DSCAM: variants seen among roughly 807,000 people sequenced by gnomAD.
DSCAM encodes cell adhesion molecule DSCAM.
In DSCAM, 47 loss-of-function variants were observed where a neutral mutation model predicts 217.7. The observed-to-expected ratio is 0.22, with a 90% CI of 0.17 to 0.28. The LOEUF is 0.28. Ranked by LOEUF, DSCAM falls within the 10% of genes least tolerant of loss-of-function variation. The pLI, the probability that DSCAM is intolerant of heterozygous loss-of-function variation, is 1.00. For missense variants in DSCAM, 2,080 were observed against 2,618.3 expected (o/e 0.79, Z 4.49); for synonymous variants, 1,056 against 1,015.3 (o/e 1.04, Z -0.76).
At chr21:40,798,512 C>T (rs1215583861) in intron 1 of DSCAM, among the ~76,000 whole-genome samples, 1 of 151,800 alleles carries the variant, frequency 6.6e-6, no homozygotes, top group Non-Finnish European at 1.5e-5. Context: ...AAATAACACA[C>T]CAAAAAAGAA....
intron 3 of DSCAM, chr21:40,384,207 C>T (rs776126432): frequency 2.6e-5 from 4 of 152,498 alleles, no homozygotes; most frequent in Non-Finnish European, 5.9e-5. Context: ...CATTGTCAGA[C>T]TGTGAGACAA....
chr21:40,609,884 C>T (rs1190164963), intron 3 of DSCAM, among the ~76,000 whole-genome samples: 1 of 152,218 alleles, frequency 6.6e-6, no homozygotes, highest in East Asian at 1.9e-4. Context: ...ACGGCTGCCT[C>T]AAGCTCTGGT....
chr21:40,230,142 G>T (rs2091368769), intron 11 of DSCAM, among the ~76,000 whole-genome samples: 1 of 152,108 alleles, frequency 6.6e-6, no homozygotes, highest in African/African-American at 2.4e-5. Flanking sequence ...AGAAATAATG[G>T]TACAAAGTTT....
At chr21:40,225,469 C>A (rs911013925) in intron 11 of DSCAM, among the ~76,000 whole-genome samples, 2 of 152,138 alleles carry the variant, frequency 1.3e-5, no homozygotes, top group African/African-American at 4.8e-5. Context: ...CACCTTCAAC[C>A]TTTAAGCCTT....
chr21:40,015,879 TG>T (rs1186334650), intron 32 of DSCAM, among the ~76,000 whole-genome samples: 2 of 152,256 alleles, frequency 1.3e-5, no homozygotes, highest in Non-Finnish European at 2.9e-5. Context: ...GGACTGACGC[TG>T]GGTCTGAGTT....
chr21:40,177,444 C>G (rs1297628054), intron 15 of DSCAM, among the ~76,000 whole-genome samples: 1 of 152,174 alleles, frequency 6.6e-6, no homozygotes, highest in Admixed American at 6.5e-5. Context: ...AAACAATTTT[C>G]AAGAACTGAC....
At chr21:40,244,404 T>C (rs948772907) in intron 11 of DSCAM, among the ~76,000 whole-genome samples, 1 of 151,202 alleles carries the variant, frequency 6.6e-6, no homozygotes, top group African/African-American at 2.4e-5. Context: ...TGAGCCCAGA[T>C]TGTGCCACTG....
chr21:40,489,202 G>C (rs1160120408), intron 3 of DSCAM, among the ~76,000 whole-genome samples: 1 of 152,174 alleles, frequency 6.6e-6, no homozygotes, highest in African/African-American at 2.4e-5. Context: ...AGTGGACTCT[G>C]AGCAAAGCAG....
chr21:40,093,865 C>T lies in DSCAM; in HGVS notation c.3706G>A (p.Glu1236Lys), dbSNP rs1471305566. 5.6e-6 allele frequency: 9 copies of T among 1,613,274 alleles called. No individual in the cohort carries two copies. In the East Asian group the frequency reaches 6.7e-5, roughly 12 times the overall value. The change falls in exon 21 of 33, where the codon GAG becomes AAG. Residue 1236 changes from glutamate to lysine, a missense_variant. Transcript: ENST00000400454. Reference protein sequence around the residue: ...CSHPYPTVISEFEASPDSFSY... With the variant: ...CSHPYPTVISKFEASPDSFSY... Reference sequence around the variant, plus strand: ...AACGAGTCGGGAGAGGCCTCAAACTCGCTGATCACCTGTAAAAAGAGACAT... The same window carrying T: ...AACGAGTCGGGAGAGGCCTCAAACTTGCTGATCACCTGTAAAAAGAGACAT...
At chr21:40,706,843 G>A (rs17836017) in intron 2 of DSCAM, among the ~76,000 whole-genome samples, 5,581 of 152,286 alleles carry the variant, frequency 0.037, 128 homozygotes, top group East Asian at 0.11. Flanking sequence ...TTTGATTTGG[G>A]TAATATGACT....
chr21:40,492,126 T>C (rs2146014313), intron 3 of DSCAM, among the ~76,000 whole-genome samples: 1 of 151,368 alleles, frequency 6.6e-6, no homozygotes, highest in Admixed American at 6.6e-5. Flanking sequence ...AAGTGATTTT[T>C]CCATTGCTTT....
At chr21:40,836,404 T>C (rs1032979674) in intron 1 of DSCAM, among the ~76,000 whole-genome samples, 20 of 152,334 alleles carry the variant, frequency 1.3e-4, no homozygotes, top group African/African-American at 4.1e-4. Context: ...ATTCGTAAGC[T>C]GCTAGCATCC....
chr21:40,606,428 T>C (rs976471681), intron 3 of DSCAM, among the ~76,000 whole-genome samples: 1 of 152,240 alleles, frequency 6.6e-6, no homozygotes, highest in Non-Finnish European at 1.5e-5. Flanking sequence ...AAATGTTTAG[T>C]GTTGGCAACT....
chr21:40,321,261 A>G (rs1040731648), intron 8 of DSCAM, among the ~76,000 whole-genome samples: 2 of 152,290 alleles, frequency 1.3e-5, no homozygotes, highest in African/African-American at 2.4e-5. Flanking sequence ...TTTCAAACAA[A>G]AACTCCTTCT....
chr21:40,428,222 A>C (rs2075494542), intron 3 of DSCAM, among the ~76,000 whole-genome samples: 1 of 146,848 alleles, frequency 6.8e-6, no homozygotes, highest in African/African-American at 2.6e-5. Flanking sequence ...TGTGACCATG[A>C]GGGCAAATAC....
chr21:40,287,517 A>C (rs1212447497), intron 10 of DSCAM, among the ~76,000 whole-genome samples: 1 of 151,690 alleles, frequency 6.6e-6, no homozygotes, highest in Non-Finnish European at 1.5e-5. Flanking sequence ...GTAGGAGGGG[A>C]CTCCAGAGAG....
At chr21:40,661,965 G>A (rs1347152587) in intron 3 of DSCAM, among the ~76,000 whole-genome samples, 2 of 152,160 alleles carry the variant, frequency 1.3e-5, no homozygotes, top group Non-Finnish European at 2.9e-5. Flanking sequence ...TTTAAAATAT[G>A]CCTAGCAAGA....
chr21:40,591,109 T>G (rs393886), intron 3 of DSCAM, among the ~76,000 whole-genome samples: 102,874 of 151,604 alleles, frequency 0.68, 35,104 homozygotes, highest in African/African-American at 0.74. Context: ...TCACATTTTT[T>G]TTAGGTGTTT....
In DSCAM at chr21:40,044,099, C is replaced by T. The variant is rs748431627; in HGVS notation, c.5362G>A (p.Val1788Ile). The T allele has an allele frequency of 3.0e-5, 48 of 1,613,724 alleles. No homozygotes were observed. Among genetic ancestry groups the T allele is most frequent in the Middle Eastern group, 3.4e-4 (2 of 5,802 alleles). Residue 1788 changes from valine to isoleucine, a missense_variant, in exon 31 of 33, where the codon GTC (valine) becomes ATC (isoleucine). Physicochemically the swap from Val to Ile is conservative, Grantham distance 29. Around this residue, in one of 5 missense-constraint regions of DSCAM, gnomAD observed 1,144 missense variants for 1,421.1 expected, o/e 0.81. Coordinates refer to ENST00000400454, the MANE Select transcript of DSCAM (RefSeq NM_001389.5). ...CTACCTGTGTCTTGCGAGGGGCTGACGCTGTAACTGTCGCTCTCTTTGTCT... is the reference window on the plus strand; with the variant it reads ...CTACCTGTGTCTTGCGAGGGGCTGATGCTGTAACTGTCGCTCTCTTTGTCT... ...SVDKESDSYS[V>I]SPSQDTDRAR... is the part of the protein sequence containing the mutation.
Sources: gnomAD v4.1 joint callset for allele counts (sites outside exome capture counted in the v4.1 genomes callset) on GRCh38, gnomAD v4.1.1 for gene constraint, gnomAD v4.1.1 regional missense constraint, MANE v1.5 for transcripts, NCBI Gene and HGNC (gene_info 2026-07-23, HGNC 2026-07-21) for gene names.